The following APP variants were observed in gnomAD, a reference collection of about 807,000 sequenced individuals.
APP encodes the protein amyloid beta precursor protein, also known as amyloid-beta precursor protein.
APP carries 31 observed loss-of-function variants against 101.4 expected under a neutral mutation model. That is an observed-to-expected ratio of 0.31 (90% CI 0.23 to 0.41). APP has a LOEUF of 0.41. APP is among the 10% of genes least tolerant of loss of function. The pLI, the probability that APP is intolerant of heterozygous loss-of-function variation, is 1.00. For missense variants in APP, 839 were observed against 1,003.7 expected, an observed-to-expected ratio of 0.84 and a Z score of 2.22; for synonymous variants, 366 against 364.4, an observed-to-expected ratio of 1.00 and a Z score of -0.05.
At chr21:25,934,080 C>CAG (rs2040260991) in intron 13 of APP, 1 of 152,036 alleles carries the variant, frequency 6.6e-6, no homozygotes, top group Non-Finnish European at 1.5e-5. Context: ...GACACAGAAA[C>CAG]AGAGACATGG....
Position 25,923,332 on chromosome 21 carries a change from C to T in APP, c.1688-11370G>A, listed in dbSNP as rs1372949752. On this transcript the variant is annotated intron_variant, in intron 13 of 17. Transcript: ENST00000346798. ...GACATAGGCGTGGGCAAGGACTTCACGTCCAAAACACCAAAAGCAATGGCA... is the reference window on the plus strand; with the variant it reads ...GACATAGGCGTGGGCAAGGACTTCATGTCCAAAACACCAAAAGCAATGGCA... 4.5e-3 allele frequency among the ~76,000 whole-genome samples: 639 copies of T among 142,368 alleles called. 2 individuals carry two copies. The highest frequency in any genetic ancestry group is 0.018 in the African/African-American group (579 of 32,678). The allele number at this position is 142,368 out of a possible 152,430, so 93.4% of individuals were successfully genotyped here.
rs142139859 is a variant in APP at position 26,002,256 on chromosome 21, T to C, written c.866-2074A>G. 7.4e-3 allele frequency among the ~76,000 whole-genome samples: 1,125 copies of C among 152,386 alleles called. 11 individuals are homozygous for C. The highest frequency in any genetic ancestry group is 0.011 in the Non-Finnish European group (752 of 68,048). On this transcript the variant is annotated intron_variant, in intron 6 of 17. Coordinates refer to ENST00000346798, the MANE Select transcript of APP (RefSeq NM_000484.4). ...GACACCTTCTGGGCTTAGTGCTGAC[T>C]GTCCCTCCTGTTGACATCATCGTGA...
chr21:26,004,275 CTTTTTTTTTT>C (rs71183538), intron 6 of APP, among the ~76,000 whole-genome samples: 2 of 72,794 alleles, frequency 2.7e-5, no homozygotes, highest in Non-Finnish European at 4.9e-5. Flanking sequence ...TGTATTAATT[CTTTTTTTTTT>C]TTTTTTTTTT....
At chr21:26,128,808 T>C (rs1323828786) in intron 1 of APP, among the ~76,000 whole-genome samples, 2 of 152,166 alleles carry the variant, frequency 1.3e-5, no homozygotes, top group Non-Finnish European at 2.9e-5. Flanking sequence ...GCCACTTCCA[T>C]TGTGACACAT....
chr21:26,112,405 T>TTA (rs745589207), intron 1 of APP, among the ~76,000 whole-genome samples: 18 of 152,158 alleles, frequency 1.2e-4, no homozygotes, highest in Non-Finnish European at 2.5e-4. Flanking sequence ...CATGAAAAAT[T>TTA]TACACGTTTT....
chr21:25,911,943 C>T lies in APP; in HGVS notation c.1707G>A (p.Glu569=). ...CCAAGACGTCATCTGAATAGTTTTG[C>T]TCTTTCTGAAGCAGCTCATCTAAAC... ...QDEVDELLQK[E]QNYSDDVLAN... is the part of the protein sequence containing the mutation. The change falls in exon 14 of 18, where the codon GAG becomes GAA. Residue 569 remains glutamate (E), a synonymous_variant. Transcript: ENST00000346798. 3.7e-6 allele frequency: 6 copies of T among 1,614,134 alleles called. No individual in the cohort carries two copies. Among genetic ancestry groups the T allele is most frequent in the Non-Finnish European group, 5.1e-6 (6 of 1,179,990 alleles).
chr21:25,952,212 A>ACACC (rs2041113944), intron 13 of APP, among the ~76,000 whole-genome samples: 1 of 151,806 alleles, frequency 6.6e-6, no homozygotes, highest in African/African-American at 2.4e-5. Context: ...ACACACACAC[A>ACACC]CACACACACA....
At chr21:26,152,725 A>G (rs905346397) in intron 1 of APP, among the ~76,000 whole-genome samples, 1 of 152,234 alleles carries the variant, frequency 6.6e-6, no homozygotes, top group Non-Finnish European at 1.5e-5. Context: ...TCTATGGAAA[A>G]CATTATGGAG....
chr21:26,026,971 C>A (rs1157866209), intron 5 of APP, among the ~76,000 whole-genome samples: 1 of 152,184 alleles, frequency 6.6e-6, no homozygotes, highest in Non-Finnish European at 1.5e-5. Flanking sequence ...AATCTCAGTA[C>A]CTTCTGCCTA....
intron 16 of APP, among the ~76,000 whole-genome samples, chr21:25,893,452 AG>A (rs2037826947): frequency 6.6e-6 from 1 of 152,262 alleles, no homozygotes; most frequent in Non-Finnish European, 1.5e-5. Flanking sequence ...GTGAATGCAA[AG>A]AAAAGCTCTT....
rs144795639 is a variant in APP, at chr21:25,963,213, A to G, written c.1459-7458T>C. ...AAATTTGGTGTTGCTGGGACTTGGGAAAAGTCTCATACATTTGACTAATGG... is the reference window on the plus strand; with the variant it reads ...AAATTTGGTGTTGCTGGGACTTGGGGAAAGTCTCATACATTTGACTAATGG... On this transcript the variant is annotated intron_variant, in intron 11 of 17. Transcript: ENST00000346798. Among the ~76,000 whole-genome samples the G allele has an allele frequency of 5.0e-4, 76 of 152,302 alleles. No individual in the cohort carries two copies. In the East Asian group the frequency reaches 0.012, roughly 25 times the overall value.
At chr21:26,111,883 G>C in intron 2 of APP, 96 bp downstream of exon 2, 2 of 1,302,458 alleles carry the variant, frequency 1.5e-6, no homozygotes, top group South Asian at 2.4e-5. Context: ...TTTTACTGTA[G>C]GGTTAAAATA....
chr21:25,892,723 C>CA (rs1032041751), intron 16 of APP, among the ~76,000 whole-genome samples: 3 of 152,170 alleles, frequency 2.0e-5, no homozygotes, highest in Non-Finnish European at 4.4e-5. Flanking sequence ...TACTGCACTA[C>CA]ATTGCTTCAT....
chr21:25,919,922 T>C (rs2039544826), intron 13 of APP, among the ~76,000 whole-genome samples: 1 of 114,042 alleles, frequency 8.8e-6, no homozygotes, highest in Admixed American at 9.8e-5. Flanking sequence ...AGACACGTAA[T>C]TGTCAGATTC....
chr21:25,912,831 G>C (rs762285985), intron 13 of APP, among the ~76,000 whole-genome samples: 1 of 152,108 alleles, frequency 6.6e-6, no homozygotes, highest in Non-Finnish European at 1.5e-5. Context: ...ATATAATCTT[G>C]TATCATGTGT....
At chr21:25,975,838 C>CA in intron 10 of APP, 116 bp downstream of exon 10, 9 of 825,444 alleles carry the variant, frequency 1.1e-5, no homozygotes, top group South Asian at 5.6e-5. Context: ...AGCTGAAGTT[C>CA]ATGGGACTAT....
At chr21:26,126,099 T>A (rs2146257000) in intron 1 of APP, among the ~76,000 whole-genome samples, 1 of 152,336 alleles carries the variant, frequency 6.6e-6, no homozygotes, top group Middle Eastern at 3.4e-3. Context: ...CCAAAAAATC[T>A]AAGCAAAGAG....
intron 1 of APP, among the ~76,000 whole-genome samples, chr21:26,135,811 G>A (rs2062885148): frequency 6.6e-6 from 1 of 152,014 alleles, no homozygotes; most frequent in Admixed American, 6.6e-5. Flanking sequence ...GAGAGCCCTT[G>A]GTAGGAATAT....
chr21:25,929,270 T>C (rs1348216562), intron 13 of APP, among the ~76,000 whole-genome samples: 1 of 152,156 alleles, frequency 6.6e-6, no homozygotes, highest in Non-Finnish European at 1.5e-5. Flanking sequence ...CTTCTTTTAT[T>C]AATAAAATAT....
Sources: gnomAD v4.1 joint callset for allele counts (sites outside exome capture counted in the v4.1 genomes callset) on GRCh38, gnomAD v4.1.1 for gene constraint, MANE v1.5 for transcripts, NCBI Gene and HGNC (gene_info 2026-07-23, HGNC 2026-07-21) for gene names.